The following IL1RAPL2 variants were observed in gnomAD, a reference collection of about 807,000 sequenced individuals.
IL1RAPL2 encodes interleukin 1 receptor accessory protein like 2.
In IL1RAPL2, 3 loss-of-function variants were observed where a neutral mutation model predicts 44.1. The observed-to-expected ratio is 0.07, with a 90% CI of 0.03 to 0.18. IL1RAPL2 has a LOEUF of 0.18. Among genes scored for constraint, IL1RAPL2 ranks in the 10% least tolerant of loss-of-function variants. The pLI, the probability that IL1RAPL2 is intolerant of heterozygous loss-of-function variation, is 1.00. For missense variants in IL1RAPL2, 391 were observed against 496.4 expected (o/e 0.79, Z 2.02); for synonymous variants, 181 against 178.8 (o/e 1.01, Z -0.10).
intron 2 of IL1RAPL2, among the ~76,000 whole-genome samples, chrX:104,763,784 G>A (rs1317041081): frequency 9.0e-6 from 1 of 111,177 alleles, no homozygotes; most frequent in Non-Finnish European, 1.9e-5. Context: ...CTGCCCCCAT[G>A]ATTCAATTAC....
chrX:105,404,454 T>G (rs1219361794), intron 5 of IL1RAPL2, among the ~76,000 whole-genome samples: 1 of 112,071 alleles, frequency 8.9e-6, no homozygotes, highest in Non-Finnish European at 1.9e-5. Context: ...TTACAGATGA[T>G]TTCTAATATG....
intron 6 of IL1RAPL2, among the ~76,000 whole-genome samples, chrX:105,603,615 T>C (rs1185294266): frequency 9.0e-6 from 1 of 111,460 alleles, no homozygotes; most frequent in Non-Finnish European, 1.9e-5. Context: ...ATTCTGAGCA[T>C]TGGACAGATC....
chrX:104,702,845 A>C (rs766658560), intron 2 of IL1RAPL2, among the ~76,000 whole-genome samples: 1 of 111,813 alleles, frequency 8.9e-6, no homozygotes, highest in African/African-American at 3.3e-5. Context: ...AGAAAAAGCA[A>C]AGCCTTGGAA....
intron 2 of IL1RAPL2, among the ~76,000 whole-genome samples, chrX:105,033,169 C>G (rs1322486359): frequency 9.0e-6 from 1 of 111,624 alleles, no homozygotes; most frequent in Non-Finnish European, 1.9e-5. Context: ...GGGCTTGACT[C>G]TTTATCCAAT....
rs763841313 is a variant in IL1RAPL2, at chrX:104,910,837, C to T, written c.82+251842C>T. Among the ~76,000 whole-genome samples, 5 of 111,973 alleles carry T rather than the reference C, an allele frequency of 4.5e-5. No homozygotes were observed. The South Asian group carries it at 1.9e-3, about 42-fold the overall frequency. On this transcript the variant is annotated intron_variant, in intron 2 of 10. Coordinates refer to ENST00000372582, the MANE Select transcript of IL1RAPL2 (RefSeq NM_017416.2). ...ACATGCTATTAAATGGATATATTTT[C>T]AGATCTTCCTTAAATCATTTTCTTT...
intron 2 of IL1RAPL2, among the ~76,000 whole-genome samples, chrX:105,162,177 G>T (rs2033331651): frequency 8.9e-6 from 1 of 111,881 alleles, no homozygotes; most frequent in African/African-American, 3.3e-5. Flanking sequence ...GACATAAGTA[G>T]GTTGCATAGC....
At chrX:105,751,934 T>C (rs1254585679) in intron 9 of IL1RAPL2, among the ~76,000 whole-genome samples, 1 of 112,163 alleles carries the variant, frequency 8.9e-6, no homozygotes, top group African/African-American at 3.2e-5. Flanking sequence ...ATGCTTTTTC[T>C]TCATGCTCTA....
intron 1 of IL1RAPL2, among the ~76,000 whole-genome samples, chrX:104,603,795 A>T (rs1234407065): frequency 8.9e-6 from 1 of 112,223 alleles, no homozygotes; most frequent in Non-Finnish European, 1.9e-5. Context: ...CCAAATAAAT[A>T]TGGGACTATG....
At chrX:104,673,437 G>C (rs1167679824) in intron 2 of IL1RAPL2, among the ~76,000 whole-genome samples, 1 of 111,030 alleles carries the variant, frequency 9.0e-6, no homozygotes, top group Non-Finnish European at 1.9e-5. Context: ...TGAGGGCTCT[G>C]TTCTGTTCTA....
chrX:105,047,597 T>A (rs986476832), intron 2 of IL1RAPL2, among the ~76,000 whole-genome samples: 1 of 111,037 alleles, frequency 9.0e-6, no homozygotes, highest in African/African-American at 3.3e-5. Flanking sequence ...TAGAAGGAAT[T>A]AAGTGTGAAT....
chrX:105,424,598 G>A (rs951644574), intron 5 of IL1RAPL2, among the ~76,000 whole-genome samples: 1 of 108,551 alleles, frequency 9.2e-6, no homozygotes, highest in Non-Finnish European at 1.9e-5. Flanking sequence ...GGGGATGGGG[G>A]TACTGTGGAG....
intron 1 of IL1RAPL2, among the ~76,000 whole-genome samples, chrX:104,582,822 C>CTTTCTTTCTTTCTT (rs748809592): frequency 2.7e-4 from 11 of 40,663 alleles, no homozygotes; most frequent in Non-Finnish European, 4.2e-4. Flanking sequence ...TCCTTTCTTT[C>CTTTCTTTCTTTCTT]TCTTTCTTTC....
At chrX:105,685,403 G>T (rs1227688857) in intron 6 of IL1RAPL2, among the ~76,000 whole-genome samples, 1 of 111,982 alleles carries the variant, frequency 8.9e-6, no homozygotes, top group Non-Finnish European at 1.9e-5. Flanking sequence ...AGGATTTCAT[G>T]ATGCATGCGG....
chrX:105,462,014 T>C (rs1039240523), intron 5 of IL1RAPL2, among the ~76,000 whole-genome samples: 1 of 110,973 alleles, frequency 9.0e-6, no homozygotes, highest in Non-Finnish European at 1.9e-5. Flanking sequence ...CTGGAAAACA[T>C]CCACCATTAT....
intron 3 of IL1RAPL2, chrX:105,218,891 C>A: frequency 4.8e-6 from 5 of 1,043,317 alleles, no homozygotes; most frequent in Non-Finnish European, 6.6e-6. Flanking sequence ...CCCCCGCCAC[C>A]ACAAGCCTGC....
intron 5 of IL1RAPL2, among the ~76,000 whole-genome samples, chrX:105,334,821 A>T (rs1323921118): frequency 9.0e-6 from 1 of 111,284 alleles, no homozygotes; most frequent in African/African-American, 3.3e-5. Context: ...TTTACTCACT[A>T]CTGAAATCCT....
intron 6 of IL1RAPL2, among the ~76,000 whole-genome samples, chrX:105,617,465 T>C (rs1602491086): frequency 9.0e-6 from 1 of 111,235 alleles, no homozygotes; most frequent in Admixed American, 9.6e-5. Context: ...TCAAGCCCCA[T>C]TTCTTCAGAC....
intron 6 of IL1RAPL2, among the ~76,000 whole-genome samples, chrX:105,665,753 T>TTTTTTTTTTTTTTTTTTTTTTTTTTGTTG (rs2037759802): frequency 1.4e-5 from 1 of 69,315 alleles, no homozygotes; most frequent in Non-Finnish European, 2.8e-5. Context: ...TTTTTTTTTT[T>TTTTTTTTTTTTTTTTTTTTTTTTTTGTTG]TTGTTGTTGT....
intron 1 of IL1RAPL2, among the ~76,000 whole-genome samples, chrX:104,609,286 T>G (rs899076904): frequency 3.6e-5 from 4 of 111,879 alleles, no homozygotes; most frequent in Non-Finnish European, 3.8e-5. Flanking sequence ...CCCTTAACAT[T>G]TTTTTCCTTC....
Sources: gnomAD v4.1 joint callset for allele counts (sites outside exome capture counted in the v4.1 genomes callset) on GRCh38, gnomAD v4.1.1 for gene constraint, MANE v1.5 for transcripts, NCBI Gene and HGNC (gene_info 2026-07-23, HGNC 2026-07-21) for gene names.